Variants in AMTN observed in about 807,000 individuals in gnomAD.
The protein encoded by AMTN is amelotin.
In AMTN, 29 loss-of-function variants were observed where a neutral mutation model predicts 27.4. That is an observed-to-expected ratio of 1.06 (90% CI 0.79 to 1.44). AMTN has a LOEUF of 1.44. Ranked by LOEUF, AMTN falls within the 40% of genes most tolerant of loss-of-function variation. The pLI is 0.00. For synonymous variants in AMTN, 86 were observed against 95.7 expected (o/e 0.90, Z 0.59); for missense variants, 247 against 248.8 (o/e 0.99, Z 0.05).
At chr4:70,522,048 C>T (rs1055069261) in intron 2 of AMTN, among the ~76,000 whole-genome samples, 2 of 152,156 alleles carry the variant, frequency 1.3e-5, no homozygotes, top group Admixed American at 1.3e-4. Context: ...TTCCAGGATG[C>T]CTCCAGGAGC....
chr4:70,523,954 T>C, intron 4 of AMTN, 21 bp downstream of exon 4: 2 of 1,587,828 alleles, frequency 1.3e-6, no homozygotes, highest in East Asian at 2.2e-5. Flanking sequence ...GTTTATATTA[T>C]TTTAATACCC....
Position 70,523,942 on chromosome 4 carries a change from T to C in AMTN, c.204+9T>C, listed in dbSNP as rs1157825970. Reference sequence around the variant, plus strand: ...GGCCAGATCTGCATCTGGTAAGTGATTGTTTATATTATTTTAATACCCATT... The same window carrying C: ...GGCCAGATCTGCATCTGGTAAGTGACTGTTTATATTATTTTAATACCCATT... On this transcript the variant is annotated intron_variant, in intron 4 of 8. Coordinates refer to ENST00000339336, the MANE Select transcript of AMTN (RefSeq NM_212557.4). The C allele has an allele frequency of 1.2e-6, 2 of 1,607,658 alleles. No individual in the cohort carries two copies. The highest frequency in any genetic ancestry group is 1.3e-5 in the African/African-American group (1 of 74,902).
At chr4:70,528,188 T>C (rs988647159) in intron 5 of AMTN, among the ~76,000 whole-genome samples, 1 of 151,640 alleles carries the variant, frequency 6.6e-6, no homozygotes, top group East Asian at 1.9e-4. Context: ...CTAACTTCTA[T>C]CTTCTAAATG....
In AMTN at chr4:70,532,583, T is replaced by G; in HGVS notation, c.*118T>G. ...ATTGGATAGTCTTAGAAGAAATTAA[T>G]TCTTAATTTACCTGAAAATATTCTT... On this transcript the variant is annotated 3_prime_UTR_variant, in exon 9 of 9. Coordinates refer to ENST00000339336, the MANE Select transcript of AMTN (RefSeq NM_212557.4). The G allele has an allele frequency of 8.7e-6, 8 of 918,910 alleles. No homozygotes were observed. Among genetic ancestry groups the G allele is most frequent in the Non-Finnish European group, 1.3e-5 (8 of 609,436 alleles). 56.9% of individuals were successfully genotyped at this position (918,910 alleles called of 1,614,324 possible). A position where few individuals can be genotyped will look rare whatever the true frequency, so the allele number is the denominator to read the frequency against.
Position 70,532,471 on chromosome 4 carries a change from T to C in AMTN, c.*6T>C. The C allele has an allele frequency of 6.2e-7, 1 of 1,606,998 alleles. No homozygotes were observed. The highest frequency in any genetic ancestry group is 1.1e-5 in the South Asian group (1 of 89,716). On this transcript the variant is annotated 3_prime_UTR_variant, in exon 9 of 9. Transcript: ENST00000339336. ...TTCTTCCAGGAATTCAGTAAGCTGTTTCAAATTTTTTCAACTAAGCTGCCT... is the reference window on the plus strand; with the variant it reads ...TTCTTCCAGGAATTCAGTAAGCTGTCTCAAATTTTTTCAACTAAGCTGCCT...
At chr4:70,522,054 G>A (rs1577932010) in intron 2 of AMTN, among the ~76,000 whole-genome samples, 2 of 152,170 alleles carry the variant, frequency 1.3e-5, no homozygotes, top group African/African-American at 4.8e-5. Flanking sequence ...GATGCCTCCA[G>A]GAGCAAAAGC....
chr4:70,532,575 G>A lies in AMTN; in HGVS notation c.*110G>A. 1 of 983,976 alleles carries A rather than the reference G, an allele frequency of 1.0e-6. No homozygotes were observed. The allele number at this position is 983,976 out of a possible 1,614,324, so 61.0% of individuals were successfully genotyped here. On this transcript the variant is annotated 3_prime_UTR_variant, in exon 9 of 9. Coordinates refer to ENST00000339336, the MANE Select transcript of AMTN (RefSeq NM_212557.4). ...TGAGACACATTGGATAGTCTTAGAA[G>A]AAATTAATTCTTAATTTACCTGAAA...
chr4:70,530,497 A>G (rs1736197223), intron 7 of AMTN, among the ~76,000 whole-genome samples: 1 of 152,228 alleles, frequency 6.6e-6, no homozygotes, highest in African/African-American at 2.4e-5. Context: ...TCAGGATGGC[A>G]TCAAAAGCTG....
chr4:70,525,390 C>T (rs1269928013), intron 5 of AMTN, among the ~76,000 whole-genome samples: 2 of 152,090 alleles, frequency 1.3e-5, no homozygotes, highest in Non-Finnish European at 2.9e-5. Context: ...CATTTTTGCG[C>T]CTTTTCATTC....
intron 2 of AMTN, among the ~76,000 whole-genome samples, chr4:70,519,563 CCATTCGTA>C (rs1735902952): frequency 1.3e-5 from 2 of 152,184 alleles, no homozygotes; most frequent in African/African-American, 4.8e-5. Flanking sequence ...ACTTCTGCAT[CCATTCGTA>C]CAATCAACAA....
chr4:70,521,675 T>G (rs1373546778), intron 2 of AMTN, among the ~76,000 whole-genome samples: 1 of 78,352 alleles, frequency 1.3e-5, no homozygotes. Context: ...TTTTTTTTTT[T>G]TGTGAGACAG....
In AMTN at chr4:70,518,622, G is replaced by A; in HGVS notation, c.-48G>A. 2 of 610,434 alleles carry A rather than the reference G, an allele frequency of 3.3e-6. No individual in the cohort carries two copies. The highest frequency in any genetic ancestry group is 4.0e-5 in the South Asian group (2 of 49,728). 37.8% of individuals were successfully genotyped at this position (610,434 alleles called of 1,614,324 possible). On this transcript the variant is annotated 5_prime_UTR_variant, in exon 1 of 9. Transcript: ENST00000339336. Reference sequence around the variant, plus strand: ...AAACTTGAGAAACCAACTGGACCTTGAGTATTGTACATTTTGCCTCGTGGA... The same window carrying A: ...AAACTTGAGAAACCAACTGGACCTTAAGTATTGTACATTTTGCCTCGTGGA...
chr4:70,524,998 A>G (rs1553922515), intron 5 of AMTN, 37 bp downstream of exon 5: 2 of 1,583,068 alleles, frequency 1.3e-6, no homozygotes, highest in South Asian at 2.3e-5. Context: ...TTAACATTAG[A>G]GAGCATTTTC....
Position 70,531,243 on chromosome 4 carries a change from G to A in AMTN, c.562G>A (p.Ala188Thr), listed in dbSNP as rs768379840. The A allele has an allele frequency of 1.2e-5, 19 of 1,613,882 alleles. No homozygotes were observed. The highest frequency in any genetic ancestry group is 1.6e-5 in the Non-Finnish European group (19 of 1,179,950). Residue 188 changes from alanine to threonine, a missense_variant, in exon 8 of 9, where the codon GCA becomes ACA. By Grantham distance (58) the Ala-to-Thr change is moderately conservative. Transcript: ENST00000339336. The part of the protein sequence containing the change: ...TDDDFAVTTP[A>T]GIQRSTHAIE... Reference sequence around the variant, plus strand: ...TGACGACTTTGCAGTGACCACCCCTGCAGGCATCCAAAGGAGCACACATGC... The same window carrying A: ...TGACGACTTTGCAGTGACCACCCCTACAGGCATCCAAAGGAGCACACATGC...
chr4:70,528,643 C>G, intron 5 of AMTN, 80 bp from the exon 6 acceptor site: 1 of 1,276,062 alleles, frequency 7.8e-7, no homozygotes, highest in Non-Finnish European at 1.1e-6. Context: ...GAGCAAGACT[C>G]CATCTCCAAA....
chr4:70,524,214 A>G (rs1736045262), intron 4 of AMTN, among the ~76,000 whole-genome samples: 1 of 151,962 alleles, frequency 6.6e-6, no homozygotes, highest in South Asian at 2.1e-4. Context: ...CCTCCACCAT[A>G]CCTTCTTTAA....
chr4:70,522,862 A>G (rs1167072305), intron 3 of AMTN, 24 bp downstream of exon 3: 3 of 1,604,136 alleles, frequency 1.9e-6, no homozygotes. Context: ...AATATGGAAC[A>G]TGTACAAACC....
chr4:70,531,110 G>A lies in AMTN; in HGVS notation c.429G>A (p.Gly143=). ...GCATCCTGCCCACCAGTCAGGCAGG[G>A]GCTAATCCAGATGTCCAGGATGGAA... is the stretch of plus-strand genomic sequence containing the variant. The part of the protein sequence containing the change: ...PGGILPTSQA[G]ANPDVQDGSL... Residue 143 remains glycine (G), a synonymous_variant, in exon 8 of 9, where the codon GGG becomes GGA. Coordinates refer to ENST00000339336, the MANE Select transcript of AMTN (RefSeq NM_212557.4). 1 of 1,613,990 alleles carries A rather than the reference G, an allele frequency of 6.2e-7. No individual in the cohort carries two copies. The highest frequency in any genetic ancestry group is 8.5e-7 in the Non-Finnish European group (1 of 1,179,982).
At position 70,532,625 on chromosome 4, in the gene AMTN, T is replaced by C. The variant is rs2109776903; in HGVS notation, c.*160T>C. On this transcript the variant is annotated 3_prime_UTR_variant, in exon 9 of 9. Coordinates refer to ENST00000339336, the MANE Select transcript of AMTN (RefSeq NM_212557.4). ...AATATTCTTGAAATTTCAGAAAATA[T>C]GTTCTATGTAGAGAATCCCAACTTT... 1 of 664,204 alleles carries C rather than the reference T, an allele frequency of 1.5e-6. No homozygotes were observed. The highest frequency in any genetic ancestry group is 2.4e-5 in the South Asian group (1 of 41,010). 41.1% of individuals were successfully genotyped at this position (664,204 alleles called of 1,614,324 possible). A position where few individuals can be genotyped will look rare whatever the true frequency, so the allele number is the denominator to read the frequency against.
Sources: allele counts gnomAD v4.1 joint callset (sites outside exome capture counted in the v4.1 genomes callset), GRCh38; gene constraint gnomAD v4.1.1; transcripts MANE v1.5; gene names NCBI Gene and HGNC (gene_info 2026-07-23, HGNC 2026-07-21).